ANKHD1: variants seen among roughly 807,000 people sequenced by gnomAD.
ANKHD1 encodes ankyrin repeat and KH domain containing 1.
ANKHD1 carries 31 observed loss-of-function variants against 230.5 expected under a neutral mutation model. The ratio of observed to expected loss-of-function variants is 0.13; its 90% CI spans 0.10 to 0.18. The LOEUF (loss-of-function observed/expected upper bound fraction) is 0.18, where lower values mean the gene tolerates loss of function less well. Among genes scored for constraint, ANKHD1 ranks in the 10% least tolerant of loss-of-function variants. The probability of loss-of-function intolerance (pLI) is 1.00; values close to 1 mark genes in which losing one functional copy is unlikely to be tolerated. For missense variants in ANKHD1, 2,256 were observed against 3,071.3 expected, an observed-to-expected ratio of 0.73 and a Z score of 6.27; for synonymous variants, 1,074 against 1,117.6, an observed-to-expected ratio of 0.96 and a Z score of 0.78.
chr5:140,445,825 G>T lies in ANKHD1; in HGVS notation c.997G>T (p.Asp333Tyr). Residue 333 changes from aspartate (D) to tyrosine (Y), a missense_variant, in exon 6 of 34, where the codon GAT becomes TAT. Transcript: ENST00000360839. ...VLLNEGANIE[D>Y]HNENGHTPLM... ...CCTTAATGAAGGTGCAAATATAGAA[G>T]ATCATAATGAAAATGGACATACTCC... The T allele has an allele frequency of 1.1e-5, 18 of 1,613,646 alleles. No individual in the cohort carries two copies. Among genetic ancestry groups the T allele is most frequent in the Non-Finnish European group, 1.5e-5 (18 of 1,179,788 alleles).
In ANKHD1 at chr5:140,453,033, G is replaced by A. The variant is rs149254633; in HGVS notation, c.1242+3728G>A. ...TAGAGAAGTCCTTAAATGACCTGAT[G>A]GAGCTGAAGACCATGGCACAAGAAC... On this transcript the variant is annotated intron_variant, in intron 7 of 33. Transcript: ENST00000360839. Among the ~76,000 whole-genome samples, 627 of 152,238 alleles carry A rather than the reference G, an allele frequency of 4.1e-3. 3 individuals carry two copies. The highest frequency in any genetic ancestry group is 0.014 in the African/African-American group (602 of 41,536).
chr5:140,529,148 A>G lies in ANKHD1; in HGVS notation c.6202A>G (p.Ser2068Gly). 6.2e-7 allele frequency: 1 copy of G among 1,614,186 alleles called. No homozygotes were observed. Among genetic ancestry groups the G allele is most frequent in the Non-Finnish European group, 8.5e-7 (1 of 1,180,034 alleles). Residue 2068 changes from serine (S) to glycine (G), a missense_variant, in exon 29 of 34, where the codon AGT becomes GGT. Around this residue, in one of 13 missense-constraint regions of ANKHD1, gnomAD observed 778 missense variants for 966.5 expected, o/e 0.80. Coordinates refer to ENST00000360839, the MANE Select transcript of ANKHD1 (RefSeq NM_017747.3). ...GGGAGCTCCAGAAACTCACCCATCC[A>G]GTAGTCCCACTCCTACTTCCAGTAA... The part of the protein sequence containing the change: ...TPGAPETHPS[S>G]SPTPTSSNTQ...
chr5:140,537,801 CAA>C (rs1754148084), intron 31 of ANKHD1: 2 of 896,340 alleles, frequency 2.2e-6, no homozygotes, highest in East Asian at 5.9e-5. Flanking sequence ...TAATCAGAAA[CAA>C]AAGATTCAAA....
Position 140,526,044 on chromosome 5 carries a change from C to G in ANKHD1, c.4541C>G (p.Thr1514Arg). The change falls in exon 26 of 34, where the codon ACG becomes AGG. Residue 1514 changes from threonine (T) to arginine (R), a missense_variant. Physicochemically the swap from Thr to Arg is moderately conservative, Grantham distance 71. Transcript: ENST00000360839. The part of the protein sequence containing the change: ...IEPPSATTTT[T>R]IGISATSATF... ...CCTCCTAGTGCAACCACCACCACTA[C>G]GATTGGAATCTCTGCAACATCTGCA... 1 of 1,605,944 alleles carries G rather than the reference C, an allele frequency of 6.2e-7. No homozygotes were observed.
intron 10 of ANKHD1, among the ~76,000 whole-genome samples, chr5:140,481,927 T>C (rs1464779588): frequency 1.3e-5 from 2 of 152,060 alleles, no homozygotes; most frequent in Non-Finnish European, 2.9e-5. Flanking sequence ...ATAAGCAAGC[T>C]CCTTTTAGTG....
intron 1 of ANKHD1, among the ~76,000 whole-genome samples, chr5:140,422,596 T>A (rs1772074490): frequency 1.3e-5 from 2 of 150,914 alleles, no homozygotes; most frequent in Admixed American, 1.3e-4. Context: ...GATCGTGAGG[T>A]CAGGAGTTCG....
rs979471971 is a variant in ANKHD1 at position 140,496,148 on chromosome 5, A to G, written c.2246-372A>G. Among the ~76,000 whole-genome samples the G allele has an allele frequency of 3.3e-5, 5 of 152,148 alleles. No individual in the cohort carries two copies. In the South Asian group the frequency reaches 8.3e-4, roughly 25 times the overall value. ...TTCAACGCTATTTTGATACTGCTTTAGATTTGGTGTTCTTTAAAAAGTCCA... is the reference window on the plus strand; with the variant it reads ...TTCAACGCTATTTTGATACTGCTTTGGATTTGGTGTTCTTTAAAAAGTCCA... On this transcript the variant is annotated intron_variant, in intron 14 of 33. Transcript: ENST00000360839.
At chr5:140,402,921 G>T (rs1007272774) in intron 1 of ANKHD1, among the ~76,000 whole-genome samples, 4 of 148,102 alleles carry the variant, frequency 2.7e-5, no homozygotes, top group Non-Finnish European at 4.5e-5. Context: ...GAACTCGGAG[G>T]TTTTAGGCTT....
chr5:140,498,641 T>C (rs1752141641), intron 15 of ANKHD1, among the ~76,000 whole-genome samples: 1 of 152,216 alleles, frequency 6.6e-6, no homozygotes, highest in African/African-American at 2.4e-5. Flanking sequence ...TGTGAATAAA[T>C]TCTTGTAGTT....
chr5:140,491,107 T>TAC (rs1292753293), intron 14 of ANKHD1, among the ~76,000 whole-genome samples: 204 of 55,106 alleles, frequency 3.7e-3, no homozygotes, highest in Middle Eastern at 0.012. Flanking sequence ...TATATATATA[T>TAC]ACACACACAC....
At chr5:140,457,850 T>TAAA (rs983828917) in intron 7 of ANKHD1, among the ~76,000 whole-genome samples, 1 of 139,768 alleles carries the variant, frequency 7.2e-6, no homozygotes, top group Non-Finnish European at 1.6e-5. Context: ...ACTTAAAGTA[T>TAAA]AAAAAAAAAA....
At position 140,485,059 on chromosome 5, in the gene ANKHD1, A is replaced by G. The variant is rs1751442482; in HGVS notation, c.1871-62A>G. 4.6e-6 allele frequency: 7 copies of G among 1,532,256 alleles called. No homozygotes were observed. The highest frequency in any genetic ancestry group is 1.4e-5 in the African/African-American group (1 of 72,300). The allele number at this position is 1,532,256 out of a possible 1,614,324, so 94.9% of individuals were successfully genotyped here. On this transcript the variant is annotated intron_variant, in intron 11 of 33. Transcript: ENST00000360839. The surrounding 1 kb of genome is among the most constrained non-coding windows in gnomAD (Gnocchi z 4.8). Reference sequence around the variant, plus strand: ...ACTTCACAAAAAATTTTTAAATGATATTGACTATGAACTAGCTTGATGTCA... The same window carrying G: ...ACTTCACAAAAAATTTTTAAATGATGTTGACTATGAACTAGCTTGATGTCA...
intron 15 of ANKHD1, among the ~76,000 whole-genome samples, chr5:140,499,171 G>A (rs563015241): frequency 1.3e-5 from 2 of 151,766 alleles, no homozygotes; most frequent in South Asian, 4.2e-4. Flanking sequence ...TGAACTATAT[G>A]GCAGTAATTA....
At chr5:140,409,821 G>A (rs557470376) in intron 1 of ANKHD1, among the ~76,000 whole-genome samples, 1 of 152,068 alleles carries the variant, frequency 6.6e-6, no homozygotes, top group East Asian at 1.9e-4. Flanking sequence ...CAAAGTGCTG[G>A]GATTACAGGT....
At chr5:140,456,461 T>C (rs1276160754) in intron 7 of ANKHD1, among the ~76,000 whole-genome samples, 1 of 152,128 alleles carries the variant, frequency 6.6e-6, no homozygotes, top group Non-Finnish European at 1.5e-5. Flanking sequence ...CTTCAAACTA[T>C]ACTACAAGGC....
At chr5:140,450,296 TA>T (rs1241775650) in intron 7 of ANKHD1, among the ~76,000 whole-genome samples, 19 of 73,564 alleles carry the variant, frequency 2.6e-4, no homozygotes, top group Admixed American at 1.4e-3. Context: ...TACCTCTATC[TA>T]TTTTTTTTTT....
intron 10 of ANKHD1, among the ~76,000 whole-genome samples, chr5:140,479,187 C>T (rs535061289): frequency 4.6e-5 from 7 of 150,694 alleles, no homozygotes; most frequent in African/African-American, 1.7e-4. Context: ...TTGTATTTTA[C>T]GGGGTTTCAC....
At chr5:140,487,570 T>G (rs1022565567) in intron 14 of ANKHD1, among the ~76,000 whole-genome samples, 8 of 152,296 alleles carry the variant, frequency 5.3e-5, no homozygotes, top group African/African-American at 1.9e-4. Flanking sequence ...AAATAAAATG[T>G]GTACAAGTAA....
chr5:140,504,973 A>G lies in ANKHD1; in HGVS notation c.3150+7A>G. On this transcript the variant is annotated splice_region_variant and intron_variant, in intron 16 of 33. Transcript: ENST00000360839. Reference sequence around the variant, plus strand: ...AGTTGACATTGATGCACATGTGAGTAGATTGCTTTATTTAAACTTATTTTG... The same window carrying G: ...AGTTGACATTGATGCACATGTGAGTGGATTGCTTTATTTAAACTTATTTTG... 6.2e-7 allele frequency: 1 copy of G among 1,613,042 alleles called. No individual in the cohort carries two copies. The highest frequency in any genetic ancestry group is 8.5e-7 in the Non-Finnish European group (1 of 1,179,738).
Sources: allele counts gnomAD v4.1 joint callset (sites outside exome capture counted in the v4.1 genomes callset), GRCh38; gene constraint gnomAD v4.1.1; regional missense constraint gnomAD v4.1.1; non-coding constraint Gnocchi (gnomAD v3.1); transcripts MANE v1.5; gene names NCBI Gene and HGNC (gene_info 2026-07-23, HGNC 2026-07-21).